TBCK: variants seen among roughly 807,000 people sequenced by gnomAD.
The protein encoded by TBCK is TBC domain-containing protein kinase-like protein.
TBCK carries 99 observed loss-of-function variants against 113.4 expected under a neutral mutation model. The ratio of observed to expected loss-of-function variants is 0.87; its 90% CI spans 0.74 to 1.03. The LOEUF is 1.03. Among genes scored for constraint, TBCK ranks in the 50% least tolerant of loss-of-function variants. TBCK has a pLI of 0.00. For synonymous variants in TBCK, 369 were observed against 370.8 expected (o/e 1.00, Z 0.05); for missense variants, 1,045 against 1,061.3 (o/e 0.98, Z 0.21).
At chr4:106,251,462 T>C (rs1761417386) in intron 6 of TBCK, among the ~76,000 whole-genome samples, 1 of 151,936 alleles carries the variant, frequency 6.6e-6, no homozygotes, top group Non-Finnish European at 1.5e-5. Flanking sequence ...GTAGAGTTCA[T>C]TGAAAAAAAG....
At position 106,193,734 on chromosome 4, in the gene TBCK, T is replaced by A; in HGVS notation, c.1934A>T (p.Asp645Val). ...AGAGGAATTCCCAAGTAGTAAGGTA[T>A]CCCAGAGGTGGAAAATTTTGTGTAG... Reference protein sequence around the residue: ...FPLHKIFHLWDTLLLGNSSFP... With the variant: ...FPLHKIFHLWVTLLLGNSSFP... The change falls in exon 22 of 26, where the codon GAT becomes GTT. Residue 645 changes from aspartate to valine, a missense_variant. By Grantham distance (152) the Asp-to-Val change is radical. Transcript: ENST00000394708. 1 of 1,592,416 alleles carries A rather than the reference T, an allele frequency of 6.3e-7. No homozygotes were observed. Among genetic ancestry groups the A allele is most frequent in the Non-Finnish European group, 8.5e-7 (1 of 1,173,530 alleles).
chr4:106,081,153 C>T (rs187600701), intron 25 of TBCK, among the ~76,000 whole-genome samples: 98 of 152,244 alleles, frequency 6.4e-4, no homozygotes, highest in African/African-American at 1.9e-3. Flanking sequence ...AGCAAAAATA[C>T]CATTTGACCC....
intron 19 of TBCK, among the ~76,000 whole-genome samples, chr4:106,225,690 G>A (rs892784028): frequency 1.3e-5 from 2 of 151,820 alleles, no homozygotes; most frequent in Non-Finnish European, 2.9e-5. Context: ...AACTCCTGAC[G>A]TCGTGATCTG....
chr4:106,180,377 G>GT (rs1276219545), intron 22 of TBCK, among the ~76,000 whole-genome samples: 2 of 151,232 alleles, frequency 1.3e-5, no homozygotes, highest in South Asian at 2.1e-4. Context: ...CTAGTAGTAT[G>GT]TTTTTTTTCC....
At chr4:106,251,833 C>T (rs761415591) in intron 6 of TBCK, 33 bp downstream of exon 6, 19 of 1,439,696 alleles carry the variant, frequency 1.3e-5, no homozygotes, top group Non-Finnish European at 1.7e-5. Context: ...TGCACAATTT[C>T]CTTTTATTAT....
chr4:106,232,273 T>C (rs1340594456), intron 17 of TBCK, among the ~76,000 whole-genome samples: 1 of 151,828 alleles, frequency 6.6e-6, no homozygotes, highest in Non-Finnish European at 1.5e-5. Flanking sequence ...GTTGAAAGAA[T>C]GTACATAAAT....
intron 25 of TBCK, among the ~76,000 whole-genome samples, chr4:106,049,541 G>T (rs1490190965): frequency 6.6e-6 from 1 of 152,052 alleles, no homozygotes; most frequent in Non-Finnish European, 1.5e-5. Context: ...TGCTGGGGTA[G>T]ATTTCCACAG....
chr4:106,091,023 C>T (rs938844203), intron 25 of TBCK, among the ~76,000 whole-genome samples: 1 of 152,206 alleles, frequency 6.6e-6, no homozygotes, highest in Non-Finnish European at 1.5e-5. Context: ...TTAACAGCAA[C>T]ACCCCACTCC....
At chr4:106,307,385 C>T (rs1242261776) in intron 2 of TBCK, among the ~76,000 whole-genome samples, 7 of 151,970 alleles carry the variant, frequency 4.6e-5, no homozygotes, top group Non-Finnish European at 1.0e-4. Flanking sequence ...AAGAATATTG[C>T]CTTATATAAA....
chr4:106,050,935 C>T (rs1181712099), intron 25 of TBCK, among the ~76,000 whole-genome samples: 1 of 151,912 alleles, frequency 6.6e-6, no homozygotes, highest in Admixed American at 6.6e-5. Flanking sequence ...GTCAGGCACA[C>T]CTTAATACAG....
intron 5 of TBCK, among the ~76,000 whole-genome samples, chr4:106,255,892 T>C (rs1479206135): frequency 2.6e-5 from 4 of 152,116 alleles, no homozygotes; most frequent in Non-Finnish European, 5.9e-5. Context: ...GTAGTTCCTC[T>C]CCACTGGCAG....
chr4:106,086,253 A>T (rs760891041), intron 25 of TBCK, among the ~76,000 whole-genome samples: 6 of 152,218 alleles, frequency 3.9e-5, no homozygotes, highest in Non-Finnish European at 8.8e-5. Context: ...ACAGGATATA[A>T]CCATTGATGC....
intron 20 of TBCK, among the ~76,000 whole-genome samples, chr4:106,205,761 C>CA (rs144955479): frequency 0.092 from 12,241 of 133,384 alleles, 611 homozygotes; most frequent in Middle Eastern, 0.18. Flanking sequence ...GACTCTGTCT[C>CA]AAAAAAAAAA....
intron 23 of TBCK, among the ~76,000 whole-genome samples, chr4:106,138,260 G>T (rs1186699719): frequency 7.1e-6 from 1 of 140,754 alleles, no homozygotes; most frequent in Admixed American, 7.0e-5. Flanking sequence ...ATCCGTTGTT[G>T]ACTGAAATGT....
intron 22 of TBCK, among the ~76,000 whole-genome samples, chr4:106,191,708 T>C (rs781337851): frequency 3.3e-5 from 5 of 152,274 alleles, no homozygotes; most frequent in Admixed American, 2.0e-4. Context: ...ATAACCTATT[T>C]ATAAGCAAAA....
At chr4:106,080,915 A>G (rs758613348) in intron 25 of TBCK, among the ~76,000 whole-genome samples, 5 of 152,266 alleles carry the variant, frequency 3.3e-5, no homozygotes, top group Admixed American at 1.3e-4. Context: ...GAACGTAAGG[A>G]AGAAAGCTCA....
intron 25 of TBCK, among the ~76,000 whole-genome samples, chr4:106,046,947 C>T (rs918736301): frequency 2.6e-5 from 4 of 152,000 alleles, no homozygotes; most frequent in Non-Finnish European, 5.9e-5. Context: ...ACATGGTAAA[C>T]AATTCAAATT....
intron 9 of TBCK, 81 bp from the exon 10 acceptor site, chr4:106,247,368 G>A (rs1057485256): frequency 8.2e-6 from 11 of 1,345,290 alleles, no homozygotes; most frequent in Admixed American, 1.9e-5. Flanking sequence ...CAAGAGAATG[G>A]ATAAAAGTCT....
Position 106,242,454 on chromosome 4 carries a change from A to G in TBCK, c.1170+16T>C. The G allele has an allele frequency of 6.3e-7, 1 of 1,579,358 alleles. No homozygotes were observed. The highest frequency in any genetic ancestry group is 1.8e-5 in the Admixed American group (1 of 54,138). ...GAAAAAAACCTAAAGCAGAACTGTCAAAATATCTTTCTTACATTTCTTAGC... is the reference window on the plus strand; with the variant it reads ...GAAAAAAACCTAAAGCAGAACTGTCGAAATATCTTTCTTACATTTCTTAGC... On this transcript the variant is annotated intron_variant, in intron 12 of 25. Transcript: ENST00000394708.
Sources: gnomAD v4.1 joint callset for allele counts (sites outside exome capture counted in the v4.1 genomes callset) on GRCh38, gnomAD v4.1.1 for gene constraint, MANE v1.5 for transcripts, NCBI Gene and HGNC (gene_info 2026-07-23, HGNC 2026-07-21) for gene names.